Variants in CPED1 observed in about 807,000 individuals in gnomAD.
The protein encoded by CPED1 is cadherin like and PC-esterase domain containing 1, also known as cadherin-like and PC-esterase domain-containing protein 1.
A neutral mutation model predicts 128.2 loss-of-function variants in CPED1; 114 were observed. The observed-to-expected ratio is 0.89, with a 90% CI of 0.76 to 1.04. The LOEUF is 1.04. Among genes scored for constraint, CPED1 ranks in the 50% least tolerant of loss-of-function variants. The pLI, the probability that CPED1 is intolerant of heterozygous loss-of-function variation, is 0.00. For missense variants in CPED1, 1,211 were observed against 1,207.1 expected, an observed-to-expected ratio of 1.00 and a Z score of -0.05; for synonymous variants, 462 against 426.7, an observed-to-expected ratio of 1.08 and a Z score of -1.02.
chr7:121,016,487 A>AACTT (rs1792303627), intron 3 of CPED1, among the ~76,000 whole-genome samples: 1 of 152,208 alleles, frequency 6.6e-6, no homozygotes, highest in Admixed American at 6.5e-5. Context: ...GGTCACATTT[A>AACTT]ACTTACACTA....
chr7:121,046,306 T>C (rs944338159), intron 3 of CPED1, among the ~76,000 whole-genome samples: 7 of 152,120 alleles, frequency 4.6e-5, no homozygotes, highest in African/African-American at 1.7e-4. Flanking sequence ...ACAAATTTCT[T>C]TTATGCAAAA....
chr7:121,255,629 T>C (rs1224163062), intron 18 of CPED1, among the ~76,000 whole-genome samples: 1 of 152,058 alleles, frequency 6.6e-6, no homozygotes, highest in Non-Finnish European at 1.5e-5. Flanking sequence ...CTAACTCTCT[T>C]TGTTAACGAT....
At chr7:121,206,989 T>C (rs548548534) in intron 16 of CPED1, among the ~76,000 whole-genome samples, 1 of 152,172 alleles carries the variant, frequency 6.6e-6, no homozygotes, top group Non-Finnish European at 1.5e-5. Context: ...AAAATAAAAA[T>C]GAAACAATGC....
chr7:120,999,719 G>A (rs889867494), intron 2 of CPED1, among the ~76,000 whole-genome samples: 4 of 152,100 alleles, frequency 2.6e-5, no homozygotes, highest in African/African-American at 7.2e-5. Context: ...TGCCTGATGA[G>A]CATTTAATGT....
At chr7:121,214,836 T>G (rs1175662076) in intron 16 of CPED1, among the ~76,000 whole-genome samples, 8 of 152,090 alleles carry the variant, frequency 5.3e-5, no homozygotes, top group Middle Eastern at 3.2e-3. Context: ...TAGCATGCTT[T>G]GAGCTTAACT....
intron 16 of CPED1, among the ~76,000 whole-genome samples, chr7:121,171,686 C>G (rs1010235209): frequency 6.6e-6 from 1 of 151,986 alleles, no homozygotes; most frequent in Non-Finnish European, 1.5e-5. Context: ...TTTGAAAAAC[C>G]CTGAATATTT....
chr7:121,148,152 T>G (rs1796067774), intron 16 of CPED1, among the ~76,000 whole-genome samples: 1 of 152,202 alleles, frequency 6.6e-6, no homozygotes, highest in African/African-American at 2.4e-5. Context: ...CCTTGCCTAC[T>G]TCAATTTACC....
intron 5 of CPED1, among the ~76,000 whole-genome samples, chr7:121,081,747 G>A (rs1794300576): frequency 6.6e-6 from 1 of 152,144 alleles, no homozygotes; most frequent in Admixed American, 6.5e-5. Flanking sequence ...ACTCGCTTTT[G>A]GCTTGTTGTG....
chr7:121,064,265 C>T lies in CPED1; in HGVS notation c.568C>T (p.Pro190Ser), dbSNP rs762440544. 8 of 1,611,908 alleles carry T rather than the reference C, an allele frequency of 5.0e-6. No individual in the cohort carries two copies. In the Admixed American group the frequency reaches 6.7e-5, roughly 13 times the overall value. ...KANRLPEIQQ[P>S]LCRKEGLCQI... ...AAACAGATTACCAGAAATACAGCAG[C>T]CACTTTGCAGAAAGGAAGGATTATG... is the stretch of plus-strand genomic sequence containing the variant. The change falls in exon 5 of 23, where the codon CCA becomes TCA. Residue 190 changes from proline to serine, a missense_variant. Physicochemically the swap from Pro to Ser is moderately conservative, Grantham distance 74 (BLOSUM62 -1). Coordinates refer to ENST00000310396, the MANE Select transcript of CPED1 (RefSeq NM_024913.5).
chr7:121,115,428 T>C (rs115815917), intron 7 of CPED1, among the ~76,000 whole-genome samples: 295 of 152,308 alleles, frequency 1.9e-3, no homozygotes, highest in African/African-American at 6.7e-3. Flanking sequence ...TCATGTTCTT[T>C]ATTGTACAAC....
intron 2 of CPED1, among the ~76,000 whole-genome samples, chr7:121,010,010 C>T (rs1395836191): frequency 5.3e-5 from 8 of 152,010 alleles, no homozygotes; most frequent in African/African-American, 1.7e-4. Context: ...TCATCCATTC[C>T]TTCTTATTTA....
At chr7:121,262,333 G>C (rs567545661) in intron 18 of CPED1, among the ~76,000 whole-genome samples, 218 of 152,108 alleles carry the variant, frequency 1.4e-3, no homozygotes, top group African/African-American at 5.0e-3. Flanking sequence ...ATGCAAGACA[G>C]ACTAATGTAA....
intron 5 of CPED1, among the ~76,000 whole-genome samples, chr7:121,093,857 C>G (rs1172155706): frequency 6.6e-6 from 1 of 152,084 alleles, no homozygotes; most frequent in Admixed American, 6.6e-5. Context: ...TGTTGATTTT[C>G]CTGAACTATA....
chr7:121,060,299 C>T (rs1793624701), intron 4 of CPED1, among the ~76,000 whole-genome samples: 1 of 152,248 alleles, frequency 6.6e-6, no homozygotes, highest in Non-Finnish European at 1.5e-5. Context: ...TCCCATCGAC[C>T]ACCCAAGGGC....
chr7:121,046,766 T>G, intron 3 of CPED1, 121 bp from the exon 4 acceptor site: 2 of 622,584 alleles, frequency 3.2e-6, no homozygotes. Context: ...TAAGTATATT[T>G]GAGATCATTT....
At position 121,130,204 on chromosome 7, in the gene CPED1, G is replaced by T; in HGVS notation, c.1487G>T (p.Gly496Val). ...YDVANPVGNP[G>V]SVLTQYWSLL... Reference sequence around the variant, plus strand: ...GTGGCAAATCCTGTGGGAAATCCTGGCTCAGTCCTGACCCAATACTGGTCT... The same window carrying T: ...GTGGCAAATCCTGTGGGAAATCCTGTCTCAGTCCTGACCCAATACTGGTCT... The change falls in exon 12 of 23, where the codon GGC (glycine) becomes GTC (valine). Residue 496 changes from glycine to valine, a missense_variant. Transcript: ENST00000310396. 6.2e-7 allele frequency: 1 copy of T among 1,612,558 alleles called. No homozygotes were observed. The highest frequency in any genetic ancestry group is 1.3e-5 in the African/African-American group (1 of 74,920).
chr7:121,043,329 G>A (rs947646512), intron 3 of CPED1, among the ~76,000 whole-genome samples: 2 of 152,154 alleles, frequency 1.3e-5, no homozygotes, highest in Non-Finnish European at 2.9e-5. Context: ...AGGCTAAGTT[G>A]CAGCCCTTGC....
At chr7:121,205,582 T>C (rs1797498990) in intron 16 of CPED1, among the ~76,000 whole-genome samples, 1 of 151,958 alleles carries the variant, frequency 6.6e-6, no homozygotes, top group Non-Finnish European at 1.5e-5. Flanking sequence ...ATTTGTTCTT[T>C]TAGGAGTCCT....
intron 7 of CPED1, among the ~76,000 whole-genome samples, chr7:121,101,516 G>A (rs560828098): frequency 2.0e-5 from 3 of 152,074 alleles, no homozygotes; most frequent in Non-Finnish European, 4.4e-5. Flanking sequence ...CTGCTTTCTG[G>A]AAGCATTTCT....
Sources: gnomAD v4.1 joint callset for allele counts (sites outside exome capture counted in the v4.1 genomes callset) on GRCh38, gnomAD v4.1.1 for gene constraint, MANE v1.5 for transcripts, NCBI Gene and HGNC (gene_info 2026-07-23, HGNC 2026-07-21) for gene names.